PERM1: variants seen among roughly 807,000 people sequenced by gnomAD.
The protein encoded by PERM1 is PPARGC1 and ESRR induced regulator, muscle 1.
A neutral mutation model predicts 44.1 loss-of-function variants in PERM1; 45 were observed. The ratio of observed to expected loss-of-function variants is 1.02; its 90% CI spans 0.80 to 1.31. The LOEUF is 1.31. Among genes scored for constraint, PERM1 ranks in the 50% most tolerant of loss-of-function variants. The pLI is 0.00. For synonymous variants in PERM1, 565 were observed against 477.1 expected, an observed-to-expected ratio of 1.18 and a Z score of -2.40; for missense variants, 1,189 against 1,106.9, an observed-to-expected ratio of 1.07 and a Z score of -1.05.
chr1:979,225 G>A (rs771673458), exon 1 of PERM1: 503 of 1,550,122 alleles, frequency 3.2e-4, no homozygotes, highest in Admixed American at 5.9e-4. Context: ...CTGACCGGCC[G>A]CTGCCGCCTC....
chr1:976,507 C>T lies in PERM1; in HGVS notation c.2267G>A (p.Trp756Ter), dbSNP rs762307223. Reference sequence around the variant, plus strand: ...CCCCCAGGCACCCAAACCTGTTTTCCAGGCGTCTGGGGTATGCGGATCTGA... The same window carrying T: ...CCCCCAGGCACCCAAACCTGTTTTCTAGGCGTCTGGGGTATGCGGATCTGA... Residue 756 changes from tryptophan (W) to a stop codon, truncating the protein, a stop_gained, in exon 2 of 3, where the codon TGG becomes TAG. Transcript: ENST00000433179. LOFTEE classifies it high-confidence loss of function. The T allele has an allele frequency of 2.6e-6, 4 of 1,549,526 alleles. No individual in the cohort carries two copies. The highest frequency in any genetic ancestry group is 1.2e-5 in the South Asian group (1 of 84,062).
chr1:978,840 G>A, intron 1 of PERM1, 41 bp downstream of exon 2: 2 of 1,430,678 alleles, frequency 1.4e-6, no homozygotes, highest in Non-Finnish European at 1.8e-6. Context: ...GACAGTGTGT[G>A]CCTGGGATCT....
At chr1:982,030 C>G, upstream of PERM1, 2 of 1,287,446 alleles carry the variant, frequency 1.6e-6, no homozygotes, top group Non-Finnish European at 2.0e-6. Flanking sequence ...ATTGGGGCCC[C>G]TTGGGTCAGG....
chr1:979,730 C>T (rs1277615525), exon 1 of PERM1: 17 of 1,550,344 alleles, frequency 1.1e-5, no homozygotes, highest in Admixed American at 2.0e-5. Flanking sequence ...CTCGGCACAG[C>T]CTCCGAGACA....
At chr1:976,098 G>A in exon 3 of PERM1, 2 of 1,431,138 alleles carry the variant, frequency 1.4e-6, no homozygotes, top group Non-Finnish European at 1.9e-6. Flanking sequence ...CCCGGGCGAG[G>A]GCGGCACCTC....
chr1:980,045 C>T, exon 1 of PERM1: 1 of 1,548,542 alleles, frequency 6.5e-7, no homozygotes, highest in Non-Finnish European at 8.7e-7. Context: ...GTAGACACAG[C>T]CATGTCCCTG....
chr1:980,805 C>T (rs1422589354), exon 1 of PERM1: 1 of 1,399,812 alleles, frequency 7.1e-7, no homozygotes, highest in Non-Finnish European at 9.2e-7. Context: ...CGTCCTCCTC[C>T]TCGCAGCCCC....
rs1643626946 is a variant in PERM1 at position 976,737 on chromosome 1, ACTC to A, written c.2150-116_2150-114del. 10 of 727,056 alleles carry A rather than the reference ACTC, an allele frequency of 1.4e-5. No homozygotes were observed. The African/African-American group carries it at 1.6e-4, about 12-fold the overall frequency. The allele number at this position is 727,056 out of a possible 1,614,324, so 45.0% of individuals were successfully genotyped here. A position where few individuals can be genotyped will look rare whatever the true frequency, so the allele number is the denominator to read the frequency against. ...CCACCAACCCCGGGAACCGCCTCCC[ACTC>A]CCCCCGCCAACCCCGGGAACCGCCT... On this transcript the variant is annotated intron_variant, in intron 1 of 2. Coordinates refer to ENST00000433179, the Ensembl canonical transcript of PERM1.
At chr1:975,931 A>T in exon 3 of PERM1, 1 of 519,108 alleles carries the variant, frequency 1.9e-6, no homozygotes, top group Non-Finnish European at 3.4e-6. Flanking sequence ...CCTCCTACCC[A>T]GCCACCTGCC....
At chr1:978,781 A>G in intron 1 of PERM1, 100 bp downstream of exon 2, 2 of 1,183,990 alleles carry the variant, frequency 1.7e-6, no homozygotes, top group Non-Finnish European at 2.3e-6. Context: ...GGATGACCCA[A>G]GCCCGGCCTG....
chr1:980,218 G>A (rs550142087), exon 1 of PERM1: 227 of 1,550,434 alleles, frequency 1.5e-4, no homozygotes, highest in Non-Finnish European at 1.9e-4. Context: ...TCGGCGCGGG[G>A]TTCTGATTTG....
At chr1:980,728 T>G in exon 1 of PERM1, 1 of 1,414,704 alleles carries the variant, frequency 7.1e-7, no homozygotes. Flanking sequence ...GCTGGGTGTC[T>G]GCTGACCGGT....
exon 1 of PERM1, chr1:980,963 C>T (rs1167628496): frequency 1.6e-5 from 23 of 1,467,640 alleles, no homozygotes; most frequent in Non-Finnish European, 1.8e-5. Context: ...CCACACTCAT[C>T]GGCGGTGGCT....
exon 1 of PERM1, chr1:980,687 G>C (rs1239280205): frequency 7.0e-7 from 1 of 1,425,768 alleles, no homozygotes; most frequent in Non-Finnish European, 9.1e-7. Context: ...CCGGGGCCGA[G>C]GGACGGTGGA....
exon 1 of PERM1, chr1:979,042 A>T (rs1376592866): frequency 1.9e-6 from 3 of 1,541,434 alleles, no homozygotes; most frequent in South Asian, 1.2e-5. Context: ...CCCGAAGAAG[A>T]AGTGTTCATA....
exon 3 of PERM1, chr1:976,064 C>T (rs926702521): frequency 1.6e-5 from 18 of 1,118,512 alleles, no homozygotes; most frequent in Non-Finnish European, 2.1e-5. Context: ...CTCCTGGACG[C>T]GGTAGAAGAG....
chr1:981,528 A>C (rs992446374), upstream of PERM1, among the ~76,000 whole-genome samples: 1 of 152,200 alleles, frequency 6.6e-6, no homozygotes, highest in African/African-American at 2.4e-5. Context: ...GGTCCATCCC[A>C]GTGCGCCCCA....
chr1:979,088 G>C (rs1468831066), exon 1 of PERM1: 3 of 1,549,350 alleles, frequency 1.9e-6, no homozygotes, highest in Middle Eastern at 1.7e-4. Flanking sequence ...GGGTCTCCAG[G>C]TATGGGGGCC....
At position 979,939 on chromosome 1, in the gene PERM1, G is replaced by A. The variant is rs1643743515; in HGVS notation, c.1091C>T (p.Ala364Val). The A allele has an allele frequency of 5.2e-6, 8 of 1,550,054 alleles. No homozygotes were observed. The South Asian group carries it at 5.9e-5, about 12-fold the overall frequency. ...AGCCGTGTCAGATTGCGGCTTGGAG[G>A]CAGGTATAGACACAGCCATGTCCCT... Residue 364 changes from alanine to valine, a missense_variant, in exon 1 of 3, where the codon GCC becomes GTC. Ala to Val is a moderately conservative substitution (Grantham distance 64, BLOSUM62 0). Around this residue, in one of 3 missense-constraint regions of PERM1, gnomAD observed 900 missense variants for 760.4 expected, o/e 1.18. Transcript: ENST00000433179.
Sources: allele counts gnomAD v4.1 joint callset (sites outside exome capture counted in the v4.1 genomes callset), GRCh38; gene constraint gnomAD v4.1.1; regional missense constraint gnomAD v4.1.1; transcripts MANE v1.5; gene names NCBI Gene and HGNC (gene_info 2026-07-23, HGNC 2026-07-21).